The following ARHGEF18 variants were observed in gnomAD, a reference collection of about 807,000 sequenced individuals.
The protein encoded by ARHGEF18 is rho guanine nucleotide exchange factor 18.
A neutral mutation model predicts 155.7 loss-of-function variants in ARHGEF18; 93 were observed. The observed-to-expected ratio is 0.60, with a 90% CI of 0.50 to 0.71. The LOEUF (loss-of-function observed/expected upper bound fraction) is 0.71, where lower values mean the gene tolerates loss of function less well. ARHGEF18 is among the 30% of genes least tolerant of loss of function. ARHGEF18 has a pLI of 0.00. For missense variants in ARHGEF18, 1,593 were observed against 1,816.1 expected (o/e 0.88, Z 2.23); for synonymous variants, 742 against 753.1 (o/e 0.99, Z 0.24).
intron 1 of ARHGEF18, among the ~76,000 whole-genome samples, chr19:7,360,425 TA>T (rs1427353607): frequency 3.9e-5 from 6 of 152,026 alleles, no homozygotes; most frequent in Non-Finnish European, 8.8e-5. Context: ...CAGTAGAGAC[TA>T]GGTTTCGCCA....
At chr19:7,436,143 A>G (rs1974239112) in intron 10 of ARHGEF18, among the ~76,000 whole-genome samples, 1 of 151,714 alleles carries the variant, frequency 6.6e-6, no homozygotes, top group African/African-American at 2.4e-5. Flanking sequence ...ATATATTCCC[A>G]TAGATTTAGC....
In ARHGEF18 at chr19:7,464,744, T is replaced by G; in HGVS notation, c.2904+54T>G. ...GTCTGAGTCGTCATAAGGATTCATG[T>G]GTGTGAGCAGCTTCTGCTGGGGTTG... On this transcript the variant is annotated intron_variant, in intron 23 of 28. Coordinates refer to ENST00000668164, the MANE Select transcript of ARHGEF18 (RefSeq NM_001367823.1). The G allele has an allele frequency of 5.6e-6, 9 of 1,598,566 alleles. 1 individual carries two copies. The South Asian group carries it at 1.0e-4, about 18-fold the overall frequency.
intron 1 of ARHGEF18, among the ~76,000 whole-genome samples, chr19:7,353,127 C>T (rs1038155618): frequency 1.3e-5 from 2 of 151,594 alleles, no homozygotes; most frequent in South Asian, 2.1e-4. Context: ...TGAGCCACCG[C>T]GCCTGGCCCC....
chr19:7,364,289 G>A (rs1969778244), intron 2 of ARHGEF18, among the ~76,000 whole-genome samples: 1 of 149,704 alleles, frequency 6.7e-6, no homozygotes, highest in African/African-American at 2.5e-5. Context: ...GATGAAGGAA[G>A]GATGGACGGA....
chr19:7,438,583 G>A (rs1362665341), intron 10 of ARHGEF18, among the ~76,000 whole-genome samples: 1 of 151,546 alleles, frequency 6.6e-6, no homozygotes, highest in African/African-American at 2.4e-5. Flanking sequence ...GGCTAATTTT[G>A]TATTTTTAGT....
rs1030829934 is a variant in ARHGEF18 at position 7,440,712 on chromosome 19, G to A, written c.1106+230G>A. On this transcript the variant is annotated intron_variant, in intron 11 of 28. Coordinates refer to ENST00000668164, the MANE Select transcript of ARHGEF18 (RefSeq NM_001367823.1). This position sits in a 1 kb window ranked among gnomAD's most constrained non-coding sequence, Gnocchi z 5.4. ...GCCCCTGGTGGAGCCAGTTTGCTTA[G>A]TGCCCTCGAGGGATCCTTGGACTCG... Among the ~76,000 whole-genome samples, 10 of 152,280 alleles carry A rather than the reference G, an allele frequency of 6.6e-5. No homozygotes were observed. Among genetic ancestry groups the A allele is most frequent in the African/African-American group, 2.4e-4 (10 of 41,564 alleles).
the ARHGEF18 span, among the ~76,000 whole-genome samples, chr19:7,477,994 C>G: frequency 1.9e-4 from 29 of 152,356 alleles, no homozygotes; most frequent in Middle Eastern, 3.4e-3. Flanking sequence ...TGTGCTCCAG[C>G]CTGGGCAACA....
At chr19:7,424,418 C>G (rs1392066243) in intron 10 of ARHGEF18, among the ~76,000 whole-genome samples, 1 of 152,142 alleles carries the variant, frequency 6.6e-6, no homozygotes, top group Non-Finnish European at 1.5e-5. Flanking sequence ...GTCTAAACAT[C>G]AGAAAGGATT....
chr19:7,353,105 G>C (rs1233763437), intron 1 of ARHGEF18, among the ~76,000 whole-genome samples: 2 of 151,700 alleles, frequency 1.3e-5, no homozygotes, highest in African/African-American at 4.8e-5. Context: ...CAAAGTGCTG[G>C]GATTACAGGT....
chr19:7,464,604 C>G lies in ARHGEF18; in HGVS notation c.2818C>G (p.Arg940Gly). 6.2e-7 allele frequency: 1 copy of G among 1,613,834 alleles called. No individual in the cohort carries two copies. Residue 940 changes from arginine to glycine, a missense_variant, in exon 23 of 29, where the codon CGA becomes GGA. Physicochemically the swap from Arg to Gly is moderately radical, Grantham distance 125. Transcript: ENST00000668164. ...AGTCAGCAGCACTGACCCCAGGCCC[C>G]GAGACTGGCGAGGCCCCCCAAACAG... ...KKVSSTDPRP[R>G]DWRGPPNSPD...
intron 1 of ARHGEF18, among the ~76,000 whole-genome samples, chr19:7,357,746 G>T (rs1969368392): frequency 6.6e-6 from 1 of 152,212 alleles, no homozygotes; most frequent in South Asian, 2.1e-4. Flanking sequence ...CCGGGGAAAG[G>T]GTGGGATTGG....
At chr19:7,375,948 G>A in intron 4 of ARHGEF18, 78 bp downstream of exon 4, 1 of 1,229,028 alleles carries the variant, frequency 8.1e-7, no homozygotes, top group Non-Finnish European at 1.0e-6. Context: ...AGGAAGGAGA[G>A]ACTTGCCAGG....
intron 10 of ARHGEF18, among the ~76,000 whole-genome samples, chr19:7,412,096 C>CGT (rs1972722577): frequency 6.6e-6 from 1 of 150,394 alleles, no homozygotes; most frequent in Non-Finnish European, 1.5e-5. Flanking sequence ...AGTGCAGTGG[C>CGT]GTGATCTTGG....
chr19:7,447,286 C>G, intron 15 of ARHGEF18, 118 bp downstream of exon 15: 1 of 903,926 alleles, frequency 1.1e-6, no homozygotes, highest in African/African-American at 1.7e-5. Flanking sequence ...GCCAGGAGAT[C>G]GAGACCGTCC....
At chr19:7,383,041 A>T (rs900275072) in intron 9 of ARHGEF18, 21 bp from the exon 10 acceptor site, 1 of 1,232,094 alleles carries the variant, frequency 8.1e-7, no homozygotes, top group African/African-American at 1.6e-5. Context: ...GCATCCTGAG[A>T]CCCACCTCTG....
At chr19:7,365,220 C>T (rs1165216448) in intron 2 of ARHGEF18, among the ~76,000 whole-genome samples, 1 of 152,110 alleles carries the variant, frequency 6.6e-6, no homozygotes, top group Admixed American at 6.6e-5. Flanking sequence ...GCAACATGCC[C>T]AGCACAGGCC....
At chr19:7,380,260 C>T (rs971361651) in intron 7 of ARHGEF18, among the ~76,000 whole-genome samples, 4 of 151,844 alleles carry the variant, frequency 2.6e-5, no homozygotes, top group Non-Finnish European at 4.4e-5. Context: ...GGGCGGATCA[C>T]GAGGTCAGGA....
At chr19:7,438,664 G>A (rs1249835653) in intron 10 of ARHGEF18, among the ~76,000 whole-genome samples, 1 of 151,614 alleles carries the variant, frequency 6.6e-6, no homozygotes, top group East Asian at 1.9e-4. Context: ...ACCCACCTTG[G>A]CCTCCCAAAG....
intron 2 of ARHGEF18, among the ~76,000 whole-genome samples, chr19:7,367,937 C>T (rs1245971594): frequency 2.0e-5 from 2 of 100,666 alleles, no homozygotes; most frequent in Non-Finnish European, 3.6e-5. Flanking sequence ...AAAAGCTGGG[C>T]ATGGTAGTGC....
Sources: gnomAD v4.1 joint callset for allele counts (sites outside exome capture counted in the v4.1 genomes callset) on GRCh38, gnomAD v4.1.1 for gene constraint, Gnocchi (gnomAD v3.1) non-coding constraint, MANE v1.5 for transcripts, NCBI Gene and HGNC (gene_info 2026-07-23, HGNC 2026-07-21) for gene names.